Variants in PCDH15 observed in about 807,000 individuals in gnomAD.
PCDH15 encodes the protein protocadherin-15.
In PCDH15, 129 loss-of-function variants were observed where a neutral mutation model predicts 178.5. The ratio of observed to expected loss-of-function variants is 0.72; its 90% CI spans 0.63 to 0.84. The LOEUF is 0.84. PCDH15 is among the 40% of genes least tolerant of loss of function. The probability of loss-of-function intolerance (pLI) is 0.00; values close to 1 mark genes in which losing one functional copy is unlikely to be tolerated. For synonymous variants in PCDH15, 800 were observed against 732.0 expected (o/e 1.09, Z -1.50); for missense variants, 2,230 against 2,099.9 (o/e 1.06, Z -1.21).
intron 8 of PCDH15, among the ~76,000 whole-genome samples, chr10:54,295,754 C>T (rs1171614932): frequency 6.6e-6 from 1 of 152,168 alleles, no homozygotes; most frequent in East Asian, 1.9e-4. Flanking sequence ...GGATAATCAC[C>T]AAGTAGTGAG....
At chr10:53,839,714 T>A (rs1485265583) in intron 29 of PCDH15, among the ~76,000 whole-genome samples, 1 of 151,814 alleles carries the variant, frequency 6.6e-6, no homozygotes, top group Non-Finnish European at 1.5e-5. Context: ...TCGAATAACA[T>A]CCAAAGAAAG....
chr10:55,622,481 T>C (rs1030860277), intron 2 of PCDH15, among the ~76,000 whole-genome samples: 28 of 152,130 alleles, frequency 1.8e-4, no homozygotes, highest in Admixed American at 1.7e-3. Context: ...TTCTAATGAT[T>C]TGTTCATCTT....
chr10:53,915,078 A>G (rs1307384720), intron 25 of PCDH15, among the ~76,000 whole-genome samples: 1 of 152,196 alleles, frequency 6.6e-6, no homozygotes, highest in Non-Finnish European at 1.5e-5. Flanking sequence ...ATTTTTGAAT[A>G]TACAGGTGGA....
At chr10:53,824,336 C>T (rs937938864) in intron 32 of PCDH15, among the ~76,000 whole-genome samples, 1 of 152,100 alleles carries the variant, frequency 6.6e-6, no homozygotes. Flanking sequence ...TTCTCATTAG[C>T]TTTTACTCTC....
At position 55,359,771 on chromosome 10, in the gene PCDH15, C is replaced by CATAT. The variant is rs1408910096; in HGVS notation, c.-155-193124_-155-193121dup. Reference sequence around the variant, plus strand: ...ATACACACACACACACACACACACACATATATATATATAAACAATGAAATA... The same window carrying CATAT: ...ATACACACACACACACACACACACACATATATATATATATATAAACAATGAAATA... On this transcript the variant is annotated intron_variant, in intron 2 of 5. Coordinates refer to the PCDH15 transcript ENST00000613346. Among the ~76,000 whole-genome samples the CATAT allele has an allele frequency of 5.5e-3, 750 of 136,672 alleles. 15 individuals carry two copies. Among genetic ancestry groups the CATAT allele is most frequent in the African/African-American group, 0.021 (711 of 34,508 alleles). 89.7% of individuals were successfully genotyped at this position (136,672 alleles called of 152,430 possible).
At position 54,257,050 on chromosome 10, in the gene PCDH15, T is replaced by TAGAC. The variant is rs34835438; in HGVS notation, c.877-20120_877-20119insGTCT. ...TCTCATTCTCTCTCTCTCGATAGAT[T>TAGAC]AGATAGATAGATAGATAGATAGATA... On this transcript the variant is annotated intron_variant, in intron 8 of 37. Coordinates refer to ENST00000644397, the MANE Select transcript of PCDH15 (RefSeq NM_001384140.1). Among the ~76,000 whole-genome samples the TAGAC allele has an allele frequency of 3.5e-3, 71 of 20,056 alleles. 1 individual carries two copies. Among genetic ancestry groups the TAGAC allele is most frequent in the Non-Finnish European group, 2.1e-3 (17 of 7,992 alleles). 13.2% of individuals were successfully genotyped at this position (20,056 alleles called of 152,430 possible). A position where few individuals can be genotyped will look rare whatever the true frequency, so the allele number is the denominator to read the frequency against.
At chr10:54,751,366 A>G (rs1946203217) in intron 1 of PCDH15, among the ~76,000 whole-genome samples, 1 of 152,158 alleles carries the variant, frequency 6.6e-6, no homozygotes, top group Non-Finnish European at 1.5e-5. Context: ...GTTCCAGTTT[A>G]TCTTGCTGTT....
At chr10:55,158,070 A>ATGTG (rs1196952084) in intron 2 of PCDH15, among the ~76,000 whole-genome samples, 84 of 122,676 alleles carry the variant, frequency 6.8e-4, no homozygotes, top group African/African-American at 2.9e-3. Flanking sequence ...ATATGTGTGT[A>ATGTG]TGTGTGTGTA....
chr10:55,312,574 T>G (rs930674285), intron 1 of PCDH15, among the ~76,000 whole-genome samples: 2 of 152,074 alleles, frequency 1.3e-5, no homozygotes, highest in Non-Finnish European at 2.9e-5. Context: ...AAAAGGAATA[T>G]GAGCATGGAT....
chr10:54,232,931 T>C (rs1261982439), intron 9 of PCDH15, among the ~76,000 whole-genome samples: 1 of 148,532 alleles, frequency 6.7e-6, no homozygotes, highest in Admixed American at 6.7e-5. Context: ...TTTCTTTTTT[T>C]TTTTTTTTTT....
intron 2 of PCDH15, among the ~76,000 whole-genome samples, chr10:55,503,847 C>T (rs764795733): frequency 4.6e-5 from 7 of 151,326 alleles, no homozygotes; most frequent in Admixed American, 6.6e-5. Flanking sequence ...TCTCTGGCAA[C>T]TGTTTACATA....
At chr10:54,450,033 G>A (rs564240766) in intron 3 of PCDH15, among the ~76,000 whole-genome samples, 3 of 151,330 alleles carry the variant, frequency 2.0e-5, no homozygotes, top group African/African-American at 4.8e-5. Flanking sequence ...TGCAAATAGC[G>A]AGATGTGGTG....
chr10:55,302,092 ATAT>A (rs1224939569), intron 1 of PCDH15, among the ~76,000 whole-genome samples: 4 of 152,120 alleles, frequency 2.6e-5, no homozygotes, highest in African/African-American at 9.7e-5. Context: ...ACATGTTAGA[ATAT>A]TATTGTCTAA....
intron 2 of PCDH15, among the ~76,000 whole-genome samples, chr10:55,602,998 T>C (rs1025276348): frequency 6.6e-6 from 1 of 151,990 alleles, no homozygotes; most frequent in African/African-American, 2.4e-5. Flanking sequence ...GAAAAAAATT[T>C]AGAAGAATGT....
At chr10:54,039,403 G>A (rs1418099547) in intron 18 of PCDH15, among the ~76,000 whole-genome samples, 5 of 151,934 alleles carry the variant, frequency 3.3e-5, no homozygotes, top group African/African-American at 9.7e-5. Flanking sequence ...CACACTTGAA[G>A]GTTATCATTA....
intron 26 of PCDH15, among the ~76,000 whole-genome samples, chr10:53,885,135 G>A (rs1388330842): frequency 1.3e-5 from 2 of 151,932 alleles, no homozygotes; most frequent in Admixed American, 6.6e-5. Context: ...TATACAATGG[G>A]GTACTTATGG....
At chr10:55,500,833 C>G (rs1162928296) in intron 2 of PCDH15, among the ~76,000 whole-genome samples, 1 of 151,758 alleles carries the variant, frequency 6.6e-6, no homozygotes, top group Non-Finnish European at 1.5e-5. Flanking sequence ...ACATATAATA[C>G]ATATTTGTTA....
intron 7 of PCDH15, among the ~76,000 whole-genome samples, chr10:54,324,792 G>A (rs1259177694): frequency 6.6e-6 from 1 of 151,778 alleles, no homozygotes; most frequent in Non-Finnish European, 1.5e-5. Flanking sequence ...TATAAAATAA[G>A]TAAATATAAA....
At chr10:54,577,398 T>G (rs1001435707) in intron 2 of PCDH15, among the ~76,000 whole-genome samples, 1 of 151,984 alleles carries the variant, frequency 6.6e-6, no homozygotes, top group Non-Finnish European at 1.5e-5. Flanking sequence ...GGCTGAAAAT[T>G]TTAATTTCTT....
Sources: allele counts gnomAD v4.1 joint callset (sites outside exome capture counted in the v4.1 genomes callset), GRCh38; gene constraint gnomAD v4.1.1; transcripts MANE v1.5; gene names NCBI Gene and HGNC (gene_info 2026-07-23, HGNC 2026-07-21).